SNX29: variants seen among roughly 807,000 people sequenced by gnomAD.
The protein encoded by SNX29 is sorting nexin-29.
Under a neutral mutation model 102.1 loss-of-function variants are expected in SNX29, and 78 were observed. That is an observed-to-expected ratio of 0.76 (90% CI 0.64 to 0.92). The LOEUF is 0.92. Ranked by LOEUF, SNX29 falls within the 40% of genes least tolerant of loss-of-function variation. The pLI is 0.00. For missense variants in SNX29, 1,280 were observed against 1,061.7 expected, an observed-to-expected ratio of 1.21 and a Z score of -2.86; for synonymous variants, 580 against 414.5, an observed-to-expected ratio of 1.40 and a Z score of -4.85.
chr16:11,999,131 T>C (rs1482412362), intron 1 of SNX29, among the ~76,000 whole-genome samples, 166 bp from the exon 2 acceptor site: 1 of 152,220 alleles, frequency 6.6e-6, no homozygotes, highest in East Asian at 1.9e-4. Flanking sequence ...CTGTTTTCCT[T>C]TGATGCAGTA....
At chr16:12,201,970 A>G (rs1218311455) in intron 14 of SNX29, among the ~76,000 whole-genome samples, 3 of 152,176 alleles carry the variant, frequency 2.0e-5, no homozygotes, top group South Asian at 4.1e-4. Context: ...ATGGTTTTTC[A>G]TAGCAGCTGA....
rs991120742 is a variant in SNX29, at chr16:12,571,954, C to G, written c.*3325C>G. On this transcript the variant is annotated 3_prime_UTR_variant, in exon 21 of 21. Coordinates refer to ENST00000566228, the MANE Select transcript of SNX29 (RefSeq NM_032167.5). ...GGAAGACACTTTCAGGGAAGAGGCTCTTACAGTCTATGGTGGTAGCCATCT... is the reference window on the plus strand; with the variant it reads ...GGAAGACACTTTCAGGGAAGAGGCTGTTACAGTCTATGGTGGTAGCCATCT... 1 of 1,061,970 alleles carries G rather than the reference C, an allele frequency of 9.4e-7. No homozygotes were observed. Among genetic ancestry groups the G allele is most frequent in the Middle Eastern group, 4.2e-4 (1 of 2,372 alleles). 65.8% of individuals were successfully genotyped at this position (1,061,970 alleles called of 1,614,324 possible).
intron 19 of SNX29, among the ~76,000 whole-genome samples, chr16:12,514,077 A>C (rs2089755471): frequency 6.6e-6 from 1 of 152,210 alleles, no homozygotes; most frequent in African/African-American, 2.4e-5. Context: ...CCAGGGTGGC[A>C]GGATTGGGCC....
intron 14 of SNX29, among the ~76,000 whole-genome samples, chr16:12,200,487 CTTTT>C (rs35068951): frequency 6.7e-6 from 1 of 148,508 alleles, no homozygotes; most frequent in Non-Finnish European, 1.5e-5. Context: ...ATTCACGTGT[CTTTT>C]TTTTTTTTTG....
At chr16:12,523,638 T>C (rs1002407780) in intron 19 of SNX29, among the ~76,000 whole-genome samples, 5 of 152,128 alleles carry the variant, frequency 3.3e-5, no homozygotes, top group African/African-American at 4.8e-5. Flanking sequence ...GCAGTCCCAG[T>C]GTGGACCCTC....
chr16:12,571,813 GCTT>G lies in SNX29; in HGVS notation c.*3188_*3190del, dbSNP rs1191852874. ...TTCCTGCAATCAGTGTGAAATTCCA[GCTT>G]CTTTGATTCCCACTTAGCAGTATGC... On this transcript the variant is annotated 3_prime_UTR_variant, in exon 21 of 21. Transcript: ENST00000566228. 42 of 1,033,452 alleles carry G rather than the reference GCTT, an allele frequency of 4.1e-5. No individual in the cohort carries two copies. Among genetic ancestry groups the G allele is most frequent in the Non-Finnish European group, 4.7e-5 (40 of 851,490 alleles). 64.0% of individuals were successfully genotyped at this position (1,033,452 alleles called of 1,614,324 possible). A position where few individuals can be genotyped will look rare whatever the true frequency, so the allele number is the denominator to read the frequency against.
chr16:12,464,550 C>T (rs144025613), intron 18 of SNX29, among the ~76,000 whole-genome samples: 1,597 of 152,198 alleles, frequency 0.01, 36 homozygotes, highest in African/African-American at 0.035. Context: ...ACCTCCTGGG[C>T]TCAAGCGATC....
At chr16:12,403,313 G>GA (rs2084033488) in intron 17 of SNX29, 135 bp from the exon 18 acceptor site, 2 of 718,278 alleles carry the variant, frequency 2.8e-6, no homozygotes, top group Non-Finnish European at 4.6e-6. Flanking sequence ...CATCAGGTGT[G>GA]ATGTAAGTTG....
chr16:12,461,966 AAAAAAAAAAAAAATATATAT>A (rs1288947894), intron 18 of SNX29, among the ~76,000 whole-genome samples: 1 of 68,044 alleles, frequency 1.5e-5, no homozygotes, highest in African/African-American at 7.7e-5. Flanking sequence ...AAAAAAAAAA[AAAAAAAAAAAAAATATATAT>A]ATATATATAT....
chr16:12,228,695 G>A (rs981197697), intron 14 of SNX29, among the ~76,000 whole-genome samples: 15 of 152,156 alleles, frequency 9.9e-5, no homozygotes, highest in African/African-American at 1.4e-4. Context: ...GCTGTTCTCT[G>A]CCTGTATCAC....
At chr16:12,455,843 C>A (rs559252072) in intron 18 of SNX29, among the ~76,000 whole-genome samples, 23 of 152,216 alleles carry the variant, frequency 1.5e-4, no homozygotes, top group African/African-American at 5.3e-4. Flanking sequence ...TTCCTTCTTT[C>A]CTGCTTGCCT....
chr16:12,535,185 C>T (rs966416839), intron 20 of SNX29, among the ~76,000 whole-genome samples: 2 of 152,238 alleles, frequency 1.3e-5, no homozygotes, highest in African/African-American at 4.8e-5. Context: ...GTCACCAAGG[C>T]TGGAGTGCAG....
intron 14 of SNX29, among the ~76,000 whole-genome samples, chr16:12,267,905 C>T (rs1182235556): frequency 6.6e-6 from 1 of 152,134 alleles, no homozygotes; most frequent in African/African-American, 2.4e-5. Flanking sequence ...CCTTACTGTC[C>T]CCTCTCTGGT....
intron 15 of SNX29, among the ~76,000 whole-genome samples, chr16:12,335,677 G>T (rs976785247): frequency 6.6e-6 from 1 of 152,172 alleles, no homozygotes; most frequent in South Asian, 2.1e-4. Flanking sequence ...CCGTGTCAGC[G>T]TTGGGGGTTT....
intron 16 of SNX29, among the ~76,000 whole-genome samples, chr16:12,389,700 G>C (rs1007430746): frequency 6.6e-6 from 1 of 152,194 alleles, no homozygotes; most frequent in Non-Finnish European, 1.5e-5. Context: ...CTCAGTAGGG[G>C]TAATGGGTCA....
At chr16:12,352,380 G>A (rs549785867) in intron 15 of SNX29, among the ~76,000 whole-genome samples, 1 of 152,132 alleles carries the variant, frequency 6.6e-6, no homozygotes, top group Non-Finnish European at 1.5e-5. Context: ...GTGGGGGAAG[G>A]GGGGAGGGAT....
intron 19 of SNX29, among the ~76,000 whole-genome samples, chr16:12,484,831 A>G (rs1464809493): frequency 6.6e-6 from 1 of 152,054 alleles, no homozygotes; most frequent in East Asian, 1.9e-4. Context: ...TTTTCTTCCC[A>G]GTGTATACCA....
chr16:12,008,058 C>T (rs1189364512), intron 3 of SNX29, among the ~76,000 whole-genome samples: 1 of 152,174 alleles, frequency 6.6e-6, no homozygotes, highest in Non-Finnish European at 1.5e-5. Flanking sequence ...GTTCTCCTGC[C>T]TCAGCCTCCC....
At chr16:12,559,979 GA>G (rs914936107) in intron 20 of SNX29, among the ~76,000 whole-genome samples, 1 of 151,924 alleles carries the variant, frequency 6.6e-6, no homozygotes, top group African/African-American at 2.4e-5. Flanking sequence ...ACTCCACCAC[GA>G]AAAAAAGATT....
Sources: gnomAD v4.1 joint callset for allele counts (sites outside exome capture counted in the v4.1 genomes callset) on GRCh38, gnomAD v4.1.1 for gene constraint, MANE v1.5 for transcripts, NCBI Gene and HGNC (gene_info 2026-07-23, HGNC 2026-07-21) for gene names.